LIMCH1: variants seen among roughly 807,000 people sequenced by gnomAD.
LIMCH1 encodes the protein LIM and calponin homology domains-containing protein 1.
In LIMCH1, 113 loss-of-function variants were observed where a neutral mutation model predicts 176.5. The ratio of observed to expected loss-of-function variants is 0.64; its 90% CI spans 0.55 to 0.75. The LOEUF (loss-of-function observed/expected upper bound fraction) is 0.75. LIMCH1 is among the 30% of genes least tolerant of loss of function. The probability of loss-of-function intolerance (pLI) is 0.00; values close to 1 mark genes in which losing one functional copy is unlikely to be tolerated. For synonymous variants in LIMCH1, 619 were observed against 645.9 expected (o/e 0.96, Z 0.63); for missense variants, 1,674 against 1,814.9 (o/e 0.92, Z 1.41).
Position 41,629,657 on chromosome 4 carries a change from G to A in LIMCH1, c.1194G>A (p.Pro398=), listed in dbSNP as rs919522827. 1.2e-5 allele frequency: 19 copies of A among 1,535,918 alleles called. No homozygotes were observed. The Admixed American group carries it at 1.8e-4, about 14-fold the overall frequency. ...GCCTTGCCCCTCACCGCGAGCCCCC[G>A]AGCTTCATTACGCTCTCCAACATAA... ...QGSLAPHREP[P]SFITLSNITE... is the part of the protein sequence containing the mutation. Residue 398 remains proline, a synonymous_variant, in exon 9 of 32, where the codon CCG becomes CCA. Coordinates refer to ENST00000503057, the MANE Select transcript of LIMCH1 (RefSeq NM_001330672.2).
intron 1 of LIMCH1, among the ~76,000 whole-genome samples, chr4:41,568,620 A>G (rs1040124755): frequency 6.6e-6 from 1 of 152,220 alleles, no homozygotes; most frequent in African/African-American, 2.4e-5. Flanking sequence ...TGCTGCTAAA[A>G]TAGGCCAAAA....
intron 1 of LIMCH1, among the ~76,000 whole-genome samples, chr4:41,487,740 G>C (rs1290521824): frequency 1.2e-4 from 17 of 138,908 alleles, no homozygotes; most frequent in African/African-American, 4.1e-4. Flanking sequence ...CTCACTGCAA[G>C]CTCCACCTCC....
chr4:41,692,547 G>T (rs931101565), intron 31 of LIMCH1, 163 bp downstream of exon 31: 3 of 558,004 alleles, frequency 5.4e-6, no homozygotes, highest in Admixed American at 6.2e-5. Context: ...TTTACCACTC[G>T]TTTCTTCCTG....
At position 41,646,304 on chromosome 4, in the gene LIMCH1, T is replaced by C. The variant is rs755069647; in HGVS notation, c.2411+24T>C. On this transcript the variant is annotated intron_variant, in intron 16 of 31. Coordinates refer to ENST00000503057, the MANE Select transcript of LIMCH1 (RefSeq NM_001330672.2). Reference sequence around the variant, plus strand: ...AAGTGAGTTCTTTCTGTTGTCGTTTTTAATGTACAATATTATCTAGGTGTT... The same window carrying C: ...AAGTGAGTTCTTTCTGTTGTCGTTTCTAATGTACAATATTATCTAGGTGTT... 1.2e-5 allele frequency: 19 copies of C among 1,592,088 alleles called. No homozygotes were observed. The South Asian group carries it at 2.1e-4, about 18-fold the overall frequency.
intron 1 of LIMCH1, among the ~76,000 whole-genome samples, chr4:41,559,956 GTC>G (rs918444150): frequency 5.8e-4 from 88 of 152,026 alleles, no homozygotes; most frequent in African/African-American, 2.1e-3. Flanking sequence ...AAATTCCCAA[GTC>G]TCTATTGATA....
At chr4:41,419,889 T>TGG (rs2060461684) in intron 1 of LIMCH1, among the ~76,000 whole-genome samples, 3 of 151,822 alleles carry the variant, frequency 2.0e-5, no homozygotes, top group African/African-American at 7.3e-5. Context: ...GCATTGAGGA[T>TGG]ATAACTTCGA....
intron 6 of LIMCH1, 28 bp downstream of exon 6, chr4:41,619,468 C>T (rs559662514): frequency 4.3e-5 from 69 of 1,601,788 alleles, no homozygotes; most frequent in Non-Finnish European, 5.2e-5. Context: ...CTGCCCTCTT[C>T]CTGGCTTGGG....
At position 41,539,132 on chromosome 4, in the gene LIMCH1, A is replaced by G. The variant is rs118145642; in HGVS notation, c.-241+782A>G. 5.3e-4 allele frequency among the ~76,000 whole-genome samples: 81 copies of G among 152,262 alleles called. 1 individual carries two copies. The East Asian group carries it at 0.015, about 29-fold the overall frequency. ...TTGAAACAGAGCCTGGCGAATCCCT[A>G]TGGCAAAATGATTCATCTTTGTGGA... On this transcript the variant is annotated intron_variant, in intron 1 of 31. Coordinates refer to ENST00000503057, the MANE Select transcript of LIMCH1 (RefSeq NM_001330672.2).
At chr4:41,500,632 C>T (rs1583186163) in intron 2 of LIMCH1, among the ~76,000 whole-genome samples, 1 of 152,296 alleles carries the variant, frequency 6.6e-6, no homozygotes, top group East Asian at 1.9e-4. Flanking sequence ...CTTGCTTTAT[C>T]TTAGTGTTCA....
chr4:41,579,405 AAT>A (rs1457248869), intron 1 of LIMCH1, among the ~76,000 whole-genome samples: 1 of 152,182 alleles, frequency 6.6e-6, no homozygotes, highest in African/African-American at 2.4e-5. Context: ...TTTAACTCAC[AAT>A]AGCTTGTTGC....
chr4:41,412,128 C>A (rs1324403313), intron 1 of LIMCH1, among the ~76,000 whole-genome samples: 2 of 152,112 alleles, frequency 1.3e-5, no homozygotes, highest in Non-Finnish European at 2.9e-5. Context: ...TGTATTAAGG[C>A]TGTGACCCAT....
At chr4:41,392,953 C>A (rs545437762) in intron 1 of LIMCH1, among the ~76,000 whole-genome samples, 2 of 152,158 alleles carry the variant, frequency 1.3e-5, no homozygotes, top group East Asian at 3.9e-4. Context: ...TCACTTGAAT[C>A]TGGGAGGCGG....
intron 2 of LIMCH1, among the ~76,000 whole-genome samples, chr4:41,506,160 T>C (rs1182531458): frequency 6.6e-6 from 1 of 152,232 alleles, no homozygotes; most frequent in African/African-American, 2.4e-5. Flanking sequence ...TACAAATAAG[T>C]GACCAATAAA....
intron 1 of LIMCH1, among the ~76,000 whole-genome samples, chr4:41,422,201 C>A (rs2060662808): frequency 6.6e-6 from 1 of 152,134 alleles, no homozygotes; most frequent in Non-Finnish European, 1.5e-5. Flanking sequence ...ATTACCTTAA[C>A]AATGGGTATC....
At chr4:41,505,042 A>T (rs2073968125) in intron 2 of LIMCH1, among the ~76,000 whole-genome samples, 1 of 152,198 alleles carries the variant, frequency 6.6e-6, no homozygotes, top group Admixed American at 6.5e-5. Context: ...TCCATATAGG[A>T]TTGTTCTGAG....
At chr4:41,421,375 T>C (rs1168643277) in intron 1 of LIMCH1, among the ~76,000 whole-genome samples, 1 of 152,130 alleles carries the variant, frequency 6.6e-6, no homozygotes, top group Non-Finnish European at 1.5e-5. Context: ...ATTTGCAGAG[T>C]TGAGACTCAA....
At chr4:41,539,033 G>A (rs982757271) in intron 1 of LIMCH1, among the ~76,000 whole-genome samples, 13 of 152,134 alleles carry the variant, frequency 8.5e-5, no homozygotes, top group Non-Finnish European at 1.8e-4. Flanking sequence ...AATGCTAAAC[G>A]TTCCATGGCA....
chr4:41,418,959 G>A (rs1467038853), intron 1 of LIMCH1, among the ~76,000 whole-genome samples: 2 of 152,134 alleles, frequency 1.3e-5, no homozygotes, highest in Admixed American at 1.3e-4. Flanking sequence ...TATTTGAAAT[G>A]TGGAATGATG....
At chr4:41,505,569 T>C (rs2074044992) in intron 2 of LIMCH1, among the ~76,000 whole-genome samples, 1 of 152,138 alleles carries the variant, frequency 6.6e-6, no homozygotes, top group African/African-American at 2.4e-5. Flanking sequence ...TTTTCTCCCA[T>C]CCATCCAGTC....
Sources: allele counts gnomAD v4.1 joint callset (sites outside exome capture counted in the v4.1 genomes callset), GRCh38; gene constraint gnomAD v4.1.1; transcripts MANE v1.5; gene names NCBI Gene and HGNC (gene_info 2026-07-23, HGNC 2026-07-21).